The following DENND3 variants were observed in gnomAD, a reference collection of about 807,000 sequenced individuals.
The protein encoded by DENND3 is DENN domain-containing protein 3.
A neutral mutation model predicts 135.1 loss-of-function variants in DENND3; 88 were observed. That is an observed-to-expected ratio of 0.65 (90% confidence interval 0.55 to 0.78). DENND3 has a LOEUF of 0.78. Among genes scored for constraint, DENND3 ranks in the 30% least tolerant of loss-of-function variants. DENND3 has a pLI of 0.00. For missense variants in DENND3, 1,392 were observed against 1,688.4 expected (o/e 0.82, Z 3.08); for synonymous variants, 693 against 712.3 (o/e 0.97, Z 0.43).
intron 7 of DENND3, among the ~76,000 whole-genome samples, chr8:141,153,431 G>A (rs1291534281): frequency 6.6e-6 from 1 of 152,196 alleles, no homozygotes; most frequent in African/African-American, 2.4e-5. Context: ...AAAAATAGAA[G>A]AACACAGCGT....
rs200234824 is a variant in DENND3 at position 141,130,692 on chromosome 8, T to TA, written c.102+1883_102+1884insA. On this transcript the variant is annotated intron_variant, in intron 1 of 22. Coordinates refer to ENST00000519811, the MANE Select transcript of DENND3 (RefSeq NM_001352890.3). This position sits in a 1 kb window ranked among gnomAD's most constrained non-coding sequence, Gnocchi z 4.2. Reference sequence around the variant, plus strand: ...TGAATGTCCAAGGCTTTTAAATATATTTTTTTTTTTTTGAGACAGAGTTTT... The same window carrying TA: ...TGAATGTCCAAGGCTTTTAAATATATATTTTTTTTTTTTGAGACAGAGTTTT... Among the ~76,000 whole-genome samples, 5 of 77,308 alleles carry TA rather than the reference T, an allele frequency of 6.5e-5. No homozygotes were observed. Among genetic ancestry groups the TA allele is most frequent in the Non-Finnish European group, 1.2e-4 (4 of 32,282 alleles). 50.7% of individuals were successfully genotyped at this position (77,308 alleles called of 152,430 possible).
rs371092714 is a variant in DENND3, at chr8:141,174,503, C to T, written c.2276-697C>T. On this transcript the variant is annotated intron_variant, in intron 13 of 22. Coordinates refer to ENST00000519811, the MANE Select transcript of DENND3 (RefSeq NM_001352890.3). This position sits in a 1 kb window ranked among gnomAD's most constrained non-coding sequence, Gnocchi z 4.6. ...ATTTCCGAGGGGTCGTCCCATCTCC[C>T]GCTGACAGATAAGCAGGTTCGTTCC... 5.3e-5 allele frequency among the ~76,000 whole-genome samples: 8 copies of T among 152,144 alleles called. No homozygotes were observed. Among genetic ancestry groups the T allele is most frequent in the Non-Finnish European group, 7.4e-5 (5 of 68,016 alleles).
In DENND3 at chr8:141,147,128, G is replaced by A. The variant is rs149857702; in HGVS notation, c.735+2869G>A. On this transcript the variant is annotated intron_variant, in intron 5 of 22. Coordinates refer to ENST00000519811, the MANE Select transcript of DENND3 (RefSeq NM_001352890.3). ...GGCCTGCTCTTCCCTCACCCATTCC[G>A]TCCATCACTCAGCCTCGCCGGACTA... is the stretch of plus-strand genomic sequence containing the variant. Among the ~76,000 whole-genome samples the A allele has an allele frequency of 6.4e-3, 974 of 152,246 alleles. 5 individuals are homozygous for A. The highest frequency in any genetic ancestry group is 0.014 in the Middle Eastern group (4 of 294).
At chr8:141,135,810 A>T (rs923647204) in intron 1 of DENND3, among the ~76,000 whole-genome samples, 5 of 152,274 alleles carry the variant, frequency 3.3e-5, no homozygotes, top group Non-Finnish European at 7.3e-5. Context: ...AAAGTTGAGA[A>T]GAATTCAGGC....
rs1341908546 is a variant in DENND3, at chr8:141,175,061, C to T, written c.2276-139C>T. 3.0e-6 allele frequency: 3 copies of T among 986,128 alleles called. No homozygotes were observed. Among genetic ancestry groups the T allele is most frequent in the Admixed American group, 2.3e-5 (1 of 43,326 alleles). 61.1% of individuals were successfully genotyped at this position (986,128 alleles called of 1,614,324 possible). ...CCCTGGGAAACCTTCTAGGCAGTTT[C>T]CATCCAGCGCCCTGAGTGCTGGCGC... On this transcript the variant is annotated intron_variant, in intron 13 of 22. Coordinates refer to ENST00000519811, the MANE Select transcript of DENND3 (RefSeq NM_001352890.3). This position sits in a 1 kb window ranked among gnomAD's most constrained non-coding sequence, Gnocchi z 5.4.
At chr8:141,190,590 C>A in intron 20 of DENND3, 173 bp downstream of exon 20, 1 of 992,086 alleles carries the variant, frequency 1.0e-6, no homozygotes, top group Non-Finnish European at 1.4e-6. Flanking sequence ...TGCACTGCTG[C>A]TCCTGGGGGC....
chr8:141,188,711 A>G (rs1824264410), intron 18 of DENND3: 1 of 404,730 alleles, frequency 2.5e-6, no homozygotes, highest in Admixed American at 4.9e-5. Context: ...TTCAGGCCGC[A>G]GTGACAGTGC....
chr8:141,183,701 G>A (rs1303247557), intron 17 of DENND3, among the ~76,000 whole-genome samples: 1 of 150,428 alleles, frequency 6.6e-6, no homozygotes, highest in Non-Finnish European at 1.5e-5. Context: ...AGAAGCCACT[G>A]AAGACGTCCG....
Position 141,144,290 on chromosome 8 carries a change from TC to T in DENND3, c.735+32del, listed in dbSNP as rs1427425029. ...GTATATCTGAAATTATATTGTTTTT[TC>T]TTTGCAAATAGTAAAAGTAAGATGT... On this transcript the variant is annotated intron_variant, in intron 5 of 22. Transcript: ENST00000519811. This position sits in a 1 kb window ranked among gnomAD's most constrained non-coding sequence, Gnocchi z 4.4. The T allele has an allele frequency of 6.5e-7, 1 of 1,549,666 alleles. No individual in the cohort carries two copies. The highest frequency in any genetic ancestry group is 8.8e-7 in the Non-Finnish European group (1 of 1,136,470).
Position 141,182,428 on chromosome 8 carries a change from G to A in DENND3, c.2944+1574G>A. On this transcript the variant is annotated intron_variant, in intron 17 of 22. Transcript: ENST00000519811. This position sits in a 1 kb window ranked among gnomAD's most constrained non-coding sequence, Gnocchi z 5.9. ...ATGTGTCTAAGCCAGGCTCTGTGCT[G>A]ACTTCGCCAGAGATGACTCCACAGA... is the stretch of plus-strand genomic sequence containing the variant. The A allele has an allele frequency of 1.0e-6, 1 of 985,488 alleles. No homozygotes were observed. Among genetic ancestry groups the A allele is most frequent in the Non-Finnish European group, 1.2e-6 (1 of 829,942 alleles). The allele number at this position is 985,488 out of a possible 1,614,324, so 61.0% of individuals were successfully genotyped here. A position where few individuals can be genotyped will look rare whatever the true frequency, so the allele number is the denominator to read the frequency against.
intron 1 of DENND3, among the ~76,000 whole-genome samples, chr8:141,131,604 GT>G (rs1816103124): frequency 1.3e-5 from 2 of 152,206 alleles, no homozygotes; most frequent in Non-Finnish European, 2.9e-5. Flanking sequence ...TAACTAAACA[GT>G]TGGAGAGCAA....
chr8:141,194,384 AC>A lies in DENND3; in HGVS notation c.*154del. 1.2e-6 allele frequency: 1 copy of A among 862,976 alleles called. No individual in the cohort carries two copies. The highest frequency in any genetic ancestry group is 1.7e-5 in the African/African-American group (1 of 59,100). The allele number at this position is 862,976 out of a possible 1,614,324, so 53.5% of individuals were successfully genotyped here. A position where few individuals can be genotyped will look rare whatever the true frequency, so the allele number is the denominator to read the frequency against. On this transcript the variant is annotated 3_prime_UTR_variant, in exon 23 of 23. Transcript: ENST00000519811. ...CACTTACCGTGTGGCCAGCCGCGAG[AC>A]CCATGGCCACGCACCTTCTCTCAGG...
In DENND3 at chr8:141,156,747, C is replaced by T. The variant is rs777636292; in HGVS notation, c.1196+777C>T. 1.4e-3 allele frequency among the ~76,000 whole-genome samples: 220 copies of T among 151,746 alleles called. 1 individual carries two copies. Among genetic ancestry groups the T allele is most frequent in the Admixed American group, 3.2e-3 (49 of 15,262 alleles). On this transcript the variant is annotated intron_variant, in intron 8 of 22. Transcript: ENST00000519811. ...CGAGCTAGAAGTTGTCCATTTCTTT[C>T]ACTCCCGCCACTGTATTGGCACTTT... is the stretch of plus-strand genomic sequence containing the variant.
chr8:141,145,245 ACAG>A (rs1817900824), intron 5 of DENND3, among the ~76,000 whole-genome samples: 2 of 152,208 alleles, frequency 1.3e-5, no homozygotes, highest in African/African-American at 4.8e-5. Context: ...AGATCTTTAG[ACAG>A]TAGCTCATCT....
chr8:141,195,365 G>A lies in DENND3; in HGVS notation c.*1132G>A, dbSNP rs1437930801. ...CGGAGCTCCAGCTTCTCAGGACAAA[G>A]CCCCGGGGCTGGCGCATCCTGAGGG... On this transcript the variant is annotated 3_prime_UTR_variant, in exon 23 of 23. Transcript: ENST00000519811. 6.6e-6 allele frequency: 1 copy of A among 152,304 alleles called. No individual in the cohort carries two copies. Among genetic ancestry groups the A allele is most frequent in the Non-Finnish European group, 1.5e-5 (1 of 68,080 alleles). 9.4% of individuals were successfully genotyped at this position (152,304 alleles called of 1,614,324 possible).
At chr8:141,161,943 G>A (rs1160514580) in intron 9 of DENND3, among the ~76,000 whole-genome samples, 1 of 151,968 alleles carries the variant, frequency 6.6e-6, no homozygotes, top group African/African-American at 2.4e-5. Flanking sequence ...TGGGACTGCA[G>A]GCGCCTGCCA....
chr8:141,179,211 G>A (rs1478555488), intron 16 of DENND3, among the ~76,000 whole-genome samples: 2 of 152,348 alleles, frequency 1.3e-5, no homozygotes, highest in Middle Eastern at 3.4e-3. Context: ...CAGCAGCCGG[G>A]CTCAGGTGCC....
intron 19 of DENND3, 139 bp downstream of exon 19, chr8:141,189,285 G>A: frequency 4.2e-6 from 5 of 1,186,566 alleles, no homozygotes; most frequent in Non-Finnish European, 5.9e-6. Flanking sequence ...AACGAGGAAA[G>A]CTGGGTGGTG....
In DENND3 at chr8:141,151,256, A is replaced by T. The variant is rs147264689; in HGVS notation, c.855+303A>T. Among the ~76,000 whole-genome samples, 29 of 152,188 alleles carry T rather than the reference A, an allele frequency of 1.9e-4. 1 individual carries two copies. The East Asian group carries it at 5.6e-3, about 29-fold the overall frequency. On this transcript the variant is annotated intron_variant, in intron 6 of 22. Coordinates refer to ENST00000519811, the MANE Select transcript of DENND3 (RefSeq NM_001352890.3). Reference sequence around the variant, plus strand: ...TTTATGAGCATTTTCTCTTTATTGTACTGAATCAGAAGTGTGTACATGGGC... The same window carrying T: ...TTTATGAGCATTTTCTCTTTATTGTTCTGAATCAGAAGTGTGTACATGGGC...
Sources: allele counts gnomAD v4.1 joint callset (sites outside exome capture counted in the v4.1 genomes callset), GRCh38; gene constraint gnomAD v4.1.1; non-coding constraint Gnocchi (gnomAD v3.1); transcripts MANE v1.5; gene names NCBI Gene and HGNC (gene_info 2026-07-23, HGNC 2026-07-21).